Variants in TAF4B observed in about 807,000 individuals in gnomAD.
TAF4B encodes the protein TATA-box binding protein associated factor 4b, also known as transcription initiation factor TFIID subunit 4B.
A neutral mutation model predicts 86.4 loss-of-function variants in TAF4B; 38 were observed. The ratio of observed to expected loss-of-function variants is 0.44; its 90% CI spans 0.34 to 0.58. TAF4B has a LOEUF of 0.58. Among genes scored for constraint, TAF4B ranks in the 20% least tolerant of loss-of-function variants. The probability of loss-of-function intolerance (pLI) is 0.02; values close to 1 mark genes in which losing one functional copy is unlikely to be tolerated. For synonymous variants in TAF4B, 388 were observed against 391.2 expected (o/e 0.99, Z 0.10); for missense variants, 988 against 1,027.6 (o/e 0.96, Z 0.53).
intron 13 of TAF4B, among the ~76,000 whole-genome samples, chr18:26,345,832 A>G (rs747850938): frequency 4.6e-5 from 7 of 152,252 alleles, no homozygotes; most frequent in Admixed American, 6.5e-5. Flanking sequence ...GGCTAATCAT[A>G]AGGAAGTACA....
chr18:26,240,258 A>C (rs960465084), intron 1 of TAF4B, among the ~76,000 whole-genome samples: 2 of 151,994 alleles, frequency 1.3e-5, no homozygotes, highest in Non-Finnish European at 2.9e-5. Context: ...CTTTTATTTC[A>C]TTGAGCAGTG....
intron 14 of TAF4B, among the ~76,000 whole-genome samples, chr18:26,389,142 A>C (rs1318549313): frequency 6.6e-6 from 1 of 152,150 alleles, no homozygotes; most frequent in African/African-American, 2.4e-5. Context: ...TTAGAAACTG[A>C]GTCACAGCTC....
intron 14 of TAF4B, among the ~76,000 whole-genome samples, chr18:26,378,909 G>T (rs2057460069): frequency 6.6e-6 from 1 of 152,088 alleles, no homozygotes; most frequent in African/African-American, 2.4e-5. Context: ...GTCTTCTGTT[G>T]TGTAAATACT....
chr18:26,329,211 C>G (rs2144688921), intron 12 of TAF4B, among the ~76,000 whole-genome samples: 1 of 152,258 alleles, frequency 6.6e-6, no homozygotes, highest in South Asian at 2.1e-4. Context: ...GCACACACCA[C>G]TACGCCTGGC....
chr18:26,227,310 G>A (rs991866791), intron 1 of TAF4B, 34 bp downstream of exon 1: 4 of 1,583,396 alleles, frequency 2.5e-6, no homozygotes, highest in Non-Finnish European at 8.6e-7. Context: ...CTTGTCTGTC[G>A]GTCCAGCTGG....
intron 5 of TAF4B, among the ~76,000 whole-genome samples, chr18:26,278,848 T>A (rs1032235107): frequency 1.3e-5 from 2 of 152,128 alleles, no homozygotes; most frequent in Non-Finnish European, 2.9e-5. Context: ...TGTGTAAAGG[T>A]TCCTCAGTTC....
intron 5 of TAF4B, among the ~76,000 whole-genome samples, chr18:26,278,218 G>A (rs528356544): frequency 6.6e-6 from 1 of 152,216 alleles, no homozygotes; most frequent in South Asian, 2.1e-4. Context: ...ATATTAAAGA[G>A]GTATCTACTG....
intron 13 of TAF4B, among the ~76,000 whole-genome samples, chr18:26,354,438 C>G (rs2057270079): frequency 6.6e-6 from 1 of 152,188 alleles, no homozygotes; most frequent in Non-Finnish European, 1.5e-5. Context: ...TCAGCTCCTG[C>G]CTTTCCATAG....
chr18:26,292,446 T>C (rs2056605053), intron 8 of TAF4B, 65 bp downstream of exon 8: 1 of 1,522,620 alleles, frequency 6.6e-7, no homozygotes, highest in South Asian at 1.3e-5. Context: ...TTGTATAACT[T>C]TTTTGTTGCT....
intron 1 of TAF4B, among the ~76,000 whole-genome samples, chr18:26,237,193 C>T (rs1442356269): frequency 6.6e-6 from 1 of 152,134 alleles, no homozygotes; most frequent in Non-Finnish European, 1.5e-5. Context: ...GTTATTCTGT[C>T]ATTTACTTGA....
intron 11 of TAF4B, among the ~76,000 whole-genome samples, chr18:26,322,876 A>G (rs564241495): frequency 4.6e-5 from 7 of 152,168 alleles, no homozygotes; most frequent in African/African-American, 1.4e-4. Flanking sequence ...GTTTACTACT[A>G]TACATTTCCC....
chr18:26,256,173 C>G, intron 1 of TAF4B: 1 of 1,610,720 alleles, frequency 6.2e-7, no homozygotes, highest in Non-Finnish European at 8.5e-7. Context: ...CTTCTTCCAT[C>G]TTTTCACAAG....
chr18:26,248,028 A>G (rs1314810189), intron 1 of TAF4B, among the ~76,000 whole-genome samples: 1 of 112,368 alleles, frequency 8.9e-6, no homozygotes, highest in African/African-American at 3.5e-5. Flanking sequence ...GGTGTGCCTC[A>G]CTATGCCCAG....
intron 13 of TAF4B, among the ~76,000 whole-genome samples, chr18:26,344,357 A>T (rs992588941): frequency 1.4e-4 from 20 of 147,704 alleles, no homozygotes; most frequent in African/African-American, 2.2e-4. Flanking sequence ...TAGAAAAACT[A>T]TTTTTTTTTT....
At chr18:26,240,803 G>A (rs1056416480) in intron 1 of TAF4B, among the ~76,000 whole-genome samples, 16 of 152,192 alleles carry the variant, frequency 1.1e-4, no homozygotes, top group Non-Finnish European at 4.4e-5. Context: ...AAGGGCTGTT[G>A]AAGTTTGTCA....
intron 3 of TAF4B, among the ~76,000 whole-genome samples, chr18:26,273,569 T>A (rs1436919527): frequency 6.6e-6 from 1 of 152,104 alleles, no homozygotes; most frequent in East Asian, 1.9e-4. Flanking sequence ...GTAAAGAAAA[T>A]TTTTTTCTAG....
intron 9 of TAF4B, among the ~76,000 whole-genome samples, chr18:26,303,639 C>T: frequency 1.6e-5 from 1 of 64,014 alleles, no homozygotes. Flanking sequence ...CTTTCATACC[C>T]CCTCCACTTT....
intron 5 of TAF4B, among the ~76,000 whole-genome samples, chr18:26,281,320 C>T (rs955766517): frequency 1.3e-5 from 2 of 151,952 alleles, no homozygotes; most frequent in Admixed American, 6.6e-5. Context: ...ATGCTCCTTC[C>T]ACAACTTCAT....
chr18:26,229,498 T>C lies in TAF4B; in HGVS notation c.343+2222T>C, dbSNP rs144598766. ...CTTTTATATCTTTCTTTCTTTCTTT[T>C]TTTTTTTTTTTTTTCTTTCTCTGAG... On this transcript the variant is annotated intron_variant, in intron 1 of 14. Coordinates refer to ENST00000269142, the MANE Select transcript of TAF4B (RefSeq NM_005640.3). Among the ~76,000 whole-genome samples the C allele has an allele frequency of 5.9e-3, 863 of 146,282 alleles. 3 individuals are homozygous for C. The highest frequency in any genetic ancestry group is 0.016 in the African/African-American group (625 of 38,094).
Sources: gnomAD v4.1 joint callset for allele counts (sites outside exome capture counted in the v4.1 genomes callset) on GRCh38, gnomAD v4.1.1 for gene constraint, MANE v1.5 for transcripts, NCBI Gene and HGNC (gene_info 2026-07-23, HGNC 2026-07-21) for gene names.